The following MMP10 variants were observed in gnomAD, a reference collection of about 807,000 sequenced individuals.
The protein encoded by MMP10 is matrix metallopeptidase 10.
A neutral mutation model predicts 49.1 loss-of-function variants in MMP10; 50 were observed. That is an observed-to-expected ratio of 1.02 (90% CI 0.81 to 1.29). MMP10 has a LOEUF of 1.29. Ranked by LOEUF, MMP10 falls within the 50% of genes most tolerant of loss-of-function variation. The probability of loss-of-function intolerance (pLI) is 0.00; values close to 1 mark genes in which losing one functional copy is unlikely to be tolerated. For synonymous variants in MMP10, 229 were observed against 201.6 expected, an observed-to-expected ratio of 1.14 and a Z score of -1.15; for missense variants, 613 against 563.8, an observed-to-expected ratio of 1.09 and a Z score of -0.88.
intron 6 of MMP10, 43 bp downstream of exon 6, chr11:102,776,237 A>G: frequency 2.6e-6 from 4 of 1,559,698 alleles, no homozygotes; most frequent in Non-Finnish European, 3.5e-6. Flanking sequence ...TAAGCACTGT[A>G]CATCAAAAGA....
chr11:102,771,945 A>G, intron 9 of MMP10, 67 bp downstream of exon 9: 1 of 988,092 alleles, frequency 1.0e-6, no homozygotes, highest in Non-Finnish European at 1.6e-6. Context: ...TTGATTCTGC[A>G]CTTTATTTTG....
Position 102,770,944 on chromosome 11 carries a change from TG to T in MMP10, c.1331-52del, listed in dbSNP as rs1290192008. ...TGAGACATCTTCAAATATGTCATTT[TG>T]CAACACATATAACTTAGATTAAGTA... On this transcript the variant is annotated intron_variant, in intron 9 of 9. Transcript: ENST00000279441. 4 of 1,197,276 alleles carry T rather than the reference TG, an allele frequency of 3.3e-6. No homozygotes were observed. The African/African-American group carries it at 6.1e-5, about 18-fold the overall frequency. 74.2% of individuals were successfully genotyped at this position (1,197,276 alleles called of 1,614,324 possible). A position where few individuals can be genotyped will look rare whatever the true frequency, so the allele number is the denominator to read the frequency against.
Position 102,776,739 on chromosome 11 carries a change from G to A in MMP10, c.660C>T (p.Gly220=). The stretch of plus-strand genomic sequence containing the variant: ...CTGAGTGAAAGAGCCCCAGGGAGTG[G>A]CCAAGTTCATGAGCAGCAACGAGGA... ...NLFLVAAHEL[G]HSLGLFHSAN... Residue 220 remains glycine (G), a synonymous_variant, in exon 5 of 10, where the codon GGC becomes GGT. Transcript: ENST00000279441. 1 of 1,613,956 alleles carries A rather than the reference G, an allele frequency of 6.2e-7. No individual in the cohort carries two copies. The highest frequency in any genetic ancestry group is 1.3e-5 in the African/African-American group (1 of 75,018).
Position 102,770,785 on chromosome 11 carries a change from T to C in MMP10, c.*8A>G. The stretch of plus-strand genomic sequence containing the variant: ...AAAACACCCATATCTGTCTTCCCCC[T>C]ATCTCGCCTAGCAATGTAACCAGCT... On this transcript the variant is annotated 3_prime_UTR_variant, in exon 10 of 10. Coordinates refer to ENST00000279441, the MANE Select transcript of MMP10 (RefSeq NM_002425.3). 2 of 1,566,920 alleles carry C rather than the reference T, an allele frequency of 1.3e-6. No homozygotes were observed. The highest frequency in any genetic ancestry group is 2.3e-5 in the East Asian group (1 of 44,412).
In MMP10 at chr11:102,772,120, A is replaced by G. The variant is rs1348970179; in HGVS notation, c.1227-5T>C. ...GACTGGCTATTTTCATCAAATCTAA[A>G]CCAAATGAAAGAAATACAGTTCAAT... On this transcript the variant is annotated splice_region_variant and splice_polypyrimidine_tract_variant and intron_variant, in intron 8 of 9. Transcript: ENST00000279441. This position sits in a 1 kb window ranked among gnomAD's most constrained non-coding sequence, Gnocchi z 4.4. 3 of 1,560,712 alleles carry G rather than the reference A, an allele frequency of 1.9e-6. No homozygotes were observed. The East Asian group carries it at 6.7e-5, about 35-fold the overall frequency.
At position 102,779,578 on chromosome 11, in the gene MMP10, A is replaced by G. The variant is rs375572358; in HGVS notation, c.273T>C (p.Cys91=). 6.4e-5 allele frequency: 104 copies of G among 1,614,070 alleles called. No individual in the cohort carries two copies. The highest frequency in any genetic ancestry group is 1.7e-4 in the Middle Eastern group (1 of 6,060). ...TGAAGTGACCAACGTCAGGAACTCC[A>G]CACCTGGGCTTGCGCATCACCTCCA... ...DTLEVMRKPR[C]GVPDVGHFSS... Residue 91 remains cysteine, a synonymous_variant, in exon 2 of 10, where the codon TGT becomes TGC. Transcript: ENST00000279441.
intron 4 of MMP10, among the ~76,000 whole-genome samples, chr11:102,778,121 A>C (rs1433950322): frequency 6.6e-6 from 1 of 152,222 alleles, no homozygotes; most frequent in Non-Finnish European, 1.5e-5. Flanking sequence ...GGGCGAAAAA[A>C]ACCCATCTAA....
chr11:102,774,866 C>T (rs895619666), intron 7 of MMP10, among the ~76,000 whole-genome samples: 1 of 152,172 alleles, frequency 6.6e-6, no homozygotes, highest in Non-Finnish European at 1.5e-5. Context: ...GGCCTTTCCT[C>T]TGCCATATAA....
intron 6 of MMP10, 22 bp from the exon 7 acceptor site, chr11:102,775,343 G>A: frequency 3.8e-6 from 6 of 1,561,046 alleles, no homozygotes; most frequent in Non-Finnish European, 4.3e-6. Context: ...AAAATTACTT[G>A]CAATTGTCTT....
At position 102,775,311 on chromosome 11, in the gene MMP10, G is replaced by A. The variant is rs150825082; in HGVS notation, c.943C>T (p.Arg315Ter). ...GGTTCAGGGTTCCAGTGGGATCTTC[G>A]CCAAAAATATCTGTAATACATAAAA... ...YLFFKDRYFWRRSHWNPEPEF... is the reference protein window; with the variant it reads ...YLFFKDRYFW Residue 315 changes from arginine to a stop codon, truncating the protein, a stop_gained, in exon 7 of 10, where the codon CGA becomes TGA. Coordinates refer to ENST00000279441, the MANE Select transcript of MMP10 (RefSeq NM_002425.3). LOFTEE classifies it high-confidence loss of function. 76 of 1,604,314 alleles carry A rather than the reference G, an allele frequency of 4.7e-5. 1 individual carries two copies. The African/African-American group carries it at 4.8e-4, about 10-fold the overall frequency.
intron 4 of MMP10, among the ~76,000 whole-genome samples, chr11:102,777,641 A>G (rs997605318): frequency 1.1e-4 from 17 of 152,326 alleles, no homozygotes; most frequent in African/African-American, 4.1e-4. Flanking sequence ...AAACAGAAAC[A>G]TGCCCAATAA....
intron 6 of MMP10, among the ~76,000 whole-genome samples, chr11:102,775,906 T>G (rs983397390): frequency 2.6e-5 from 4 of 152,176 alleles, no homozygotes; most frequent in Non-Finnish European, 5.9e-5. Context: ...ACTCCCTGCC[T>G]TAATCAAACT....
In MMP10 at chr11:102,776,397, G is replaced by A; in HGVS notation, c.815C>T (p.Pro272Leu). 1.9e-6 allele frequency: 3 copies of A among 1,613,892 alleles called. No individual in the cohort carries two copies. The highest frequency in any genetic ancestry group is 2.5e-6 in the Non-Finnish European group (3 of 1,179,904). The stretch of plus-strand genomic sequence containing the variant: ...AGGAACAGATTTTGTGGGCACCAGG[G>A]GTTCCTCAGTAGAGGCAGGGGGAGG... The part of the protein sequence containing the change: ...YGPPPASTEE[P>L]LVPTKSVPSG... Residue 272 changes from proline (P) to leucine (L), a missense_variant, in exon 6 of 10, where the codon CCC becomes CTC. Coordinates refer to ENST00000279441, the MANE Select transcript of MMP10 (RefSeq NM_002425.3).
chr11:102,775,142 C>T (rs760978101), intron 7 of MMP10, 46 bp downstream of exon 7: 298 of 1,392,998 alleles, frequency 2.1e-4, no homozygotes, highest in Non-Finnish European at 2.7e-4. Flanking sequence ...AAAATTTTTG[C>T]AATAGGATTT....
At chr11:102,775,488 T>C (rs1467793947) in intron 6 of MMP10, among the ~76,000 whole-genome samples, 167 bp from the exon 7 acceptor site, 2 of 152,210 alleles carry the variant, frequency 1.3e-5, no homozygotes, top group African/African-American at 4.8e-5. Flanking sequence ...GACTTGTGAC[T>C]GGTTCCAGTA....
chr11:102,779,092 C>A (rs1455717213), intron 3 of MMP10, 121 bp downstream of exon 3: 12 of 1,419,280 alleles, frequency 8.5e-6, no homozygotes, highest in Non-Finnish European at 1.1e-5. Context: ...TTGGACTTCC[C>A]AGCCTCCAGA....
chr11:102,773,847 C>T (rs1861997448), intron 7 of MMP10, among the ~76,000 whole-genome samples: 2 of 152,326 alleles, frequency 1.3e-5, no homozygotes, highest in African/African-American at 4.8e-5. Context: ...CATATGTAGG[C>T]TGCCAAAGGC....
At position 102,780,507 on chromosome 11, in the gene MMP10, A is replaced by G. The variant is rs987316300; in HGVS notation, c.85T>C (p.Ser29Pro). The change falls in exon 1 of 10, where the codon TCC becomes CCC. Residue 29 changes from serine (S) to proline (P), a missense_variant. Transcript: ENST00000279441. The stretch of plus-strand genomic sequence containing the variant: ...ATTACCTGGGCAAGATCCTTGTTGG[A>G]GTCCTCCTCTTTTGCTGCCCCACTC... ...PLSGAAKEED[S>P]NKDLAQQYLE... 1 of 1,613,962 alleles carries G rather than the reference A, an allele frequency of 6.2e-7. No individual in the cohort carries two copies.
chr11:102,773,093 G>T (rs949959809), intron 7 of MMP10, 87 bp from the exon 8 acceptor site: 4 of 1,334,590 alleles, frequency 3.0e-6, no homozygotes, highest in Non-Finnish European at 4.1e-6. Flanking sequence ...AAAGAGGAAG[G>T]CTTGGTTTTA....
Sources: gnomAD v4.1 joint callset for allele counts (sites outside exome capture counted in the v4.1 genomes callset) on GRCh38, gnomAD v4.1.1 for gene constraint, Gnocchi (gnomAD v3.1) non-coding constraint, MANE v1.5 for transcripts, NCBI Gene and HGNC (gene_info 2026-07-23, HGNC 2026-07-21) for gene names.